Variants in SGIP1 observed in about 807,000 individuals in gnomAD.
SGIP1 encodes the protein SH3GL interacting endocytic adaptor 1, also known as SH3-containing GRB2-like protein 3-interacting protein 1.
SGIP1 carries 38 observed loss-of-function variants against 107.5 expected under a neutral mutation model. The ratio of observed to expected loss-of-function variants is 0.35; its 90% confidence interval spans 0.27 to 0.46. SGIP1 has a LOEUF of 0.46. Among genes scored for constraint, SGIP1 ranks in the 20% least tolerant of loss-of-function variants. The pLI is 1.00. For synonymous variants in SGIP1, 365 were observed against 366.1 expected, an observed-to-expected ratio of 1.00 and a Z score of 0.03; for missense variants, 929 against 1,019.5, an observed-to-expected ratio of 0.91 and a Z score of 1.21.
intron 15 of SGIP1, among the ~76,000 whole-genome samples, chr1:66,687,369 C>T (rs2088646699): frequency 6.6e-6 from 1 of 151,278 alleles, no homozygotes; most frequent in Admixed American, 6.6e-5. Context: ...TTACTTCCGT[C>T]TTCTGAAAAC....
Position 66,737,235 on chromosome 1 carries a change from G to A in SGIP1, c.2032-2100G>A, listed in dbSNP as rs185437900. On this transcript the variant is annotated intron_variant, in intron 21 of 24. Transcript: ENST00000371037. Reference sequence around the variant, plus strand: ...AATAAGTTGGCACTTCTTTCCCTTCGTGGACTCTAATTATATACACTGCAT... The same window carrying A: ...AATAAGTTGGCACTTCTTTCCCTTCATGGACTCTAATTATATACACTGCAT... Among the ~76,000 whole-genome samples, 53 of 152,178 alleles carry A rather than the reference G, an allele frequency of 3.5e-4. 1 individual carries two copies. Among genetic ancestry groups the A allele is most frequent in the Middle Eastern group, 3.4e-3 (1 of 294 alleles).
In SGIP1 at chr1:66,689,155, A is replaced by T; in HGVS notation, c.1323A>T (p.Ser441=). The T allele has an allele frequency of 6.2e-7, 1 of 1,612,212 alleles. No homozygotes were observed. The highest frequency in any genetic ancestry group is 8.5e-7 in the Non-Finnish European group (1 of 1,179,266). Residue 441 remains serine, a synonymous_variant, in exon 16 of 25, where the codon TCA becomes TCT. Transcript: ENST00000371037. ...TGCTAGTTTGTTTTTCAGGTGCATC[A>T]TCCCCTGCTCGACCAGCCACTCCTT... ...GPGPGTTSGA[S]SPARPATPLV...
At chr1:66,590,052 T>C (rs796403104) in intron 1 of SGIP1, among the ~76,000 whole-genome samples, 14 of 152,300 alleles carry the variant, frequency 9.2e-5, no homozygotes, top group African/African-American at 3.4e-4. Flanking sequence ...TGACTCTAGG[T>C]ACTAAAGGGA....
chr1:66,686,189 C>G (rs961641740), intron 15 of SGIP1, among the ~76,000 whole-genome samples: 2 of 152,162 alleles, frequency 1.3e-5, no homozygotes, highest in African/African-American at 4.8e-5. Context: ...TGTTGGATTC[C>G]ACGGCCTGTG....
chr1:66,660,257 A>AAGGG, intron 7 of SGIP1: 1 of 453,878 alleles, frequency 2.2e-6, no homozygotes, highest in Non-Finnish European at 3.8e-6. Flanking sequence ...GGGAGGAAGG[A>AAGGG]AGGGAGGAAA....
chr1:66,600,176 C>T (rs1395779010), intron 1 of SGIP1, among the ~76,000 whole-genome samples: 1 of 152,156 alleles, frequency 6.6e-6, no homozygotes, highest in Admixed American at 6.5e-5. Context: ...TGCCTTTGGG[C>T]TCATTTCAAT....
At chr1:66,637,735 A>G (rs2076062924) in intron 4 of SGIP1, among the ~76,000 whole-genome samples, 1 of 151,068 alleles carries the variant, frequency 6.6e-6, no homozygotes, top group African/African-American at 2.4e-5. Flanking sequence ...AAACAAGTAT[A>G]TATATATATC....
chr1:66,726,644 GTCT>G (rs2093771153), intron 19 of SGIP1, among the ~76,000 whole-genome samples: 1 of 152,108 alleles, frequency 6.6e-6, no homozygotes, highest in Non-Finnish European at 1.5e-5. Flanking sequence ...AGAAAGGACA[GTCT>G]TCTCAAAAAA....
chr1:66,564,695 T>C (rs1571398440), intron 1 of SGIP1, among the ~76,000 whole-genome samples: 1 of 151,686 alleles, frequency 6.6e-6, no homozygotes, highest in Non-Finnish European at 1.5e-5. Flanking sequence ...TGGTAGGAGG[T>C]GTTCACCAGT....
chr1:66,732,588 G>C (rs2094063447), intron 20 of SGIP1, among the ~76,000 whole-genome samples: 1 of 152,130 alleles, frequency 6.6e-6, no homozygotes, highest in African/African-American at 2.4e-5. Context: ...TAACAGATCA[G>C]TGACAGTTTT....
intron 1 of SGIP1, among the ~76,000 whole-genome samples, chr1:66,615,764 G>A (rs1008878437): frequency 6.6e-6 from 1 of 152,186 alleles, no homozygotes; most frequent in Non-Finnish European, 1.5e-5. Context: ...AGGCCAGGGA[G>A]GGACTGGAGA....
At chr1:66,672,033 C>T in intron 11 of SGIP1, 38 bp downstream of exon 11, 1 of 1,595,542 alleles carries the variant, frequency 6.3e-7, no homozygotes, top group Non-Finnish European at 8.6e-7. Context: ...TTATGCAAGG[C>T]ATCATGAACT....
At chr1:66,655,373 T>C (rs2079545572) in intron 7 of SGIP1, among the ~76,000 whole-genome samples, 2 of 152,132 alleles carry the variant, frequency 1.3e-5, no homozygotes, top group Admixed American at 1.3e-4. Flanking sequence ...CTGCCCACCT[T>C]ATATAAAATC....
chr1:66,684,433 C>T (rs2087688091), intron 15 of SGIP1, among the ~76,000 whole-genome samples: 1 of 152,190 alleles, frequency 6.6e-6, no homozygotes, highest in Non-Finnish European at 1.5e-5. Flanking sequence ...GGATACAAAG[C>T]TCCTTATCTA....
intron 1 of SGIP1, among the ~76,000 whole-genome samples, chr1:66,610,851 G>A (rs1015166939): frequency 1.5e-4 from 23 of 152,120 alleles, no homozygotes; most frequent in African/African-American, 5.6e-4. Context: ...GATGGAATTG[G>A]AGACCATTAT....
At chr1:66,577,567 T>A (rs1439964120) in intron 1 of SGIP1, among the ~76,000 whole-genome samples, 3 of 152,210 alleles carry the variant, frequency 2.0e-5, no homozygotes, top group Non-Finnish European at 4.4e-5. Context: ...TTTTAACTGA[T>A]GGGTGTTACC....
chr1:66,689,245 A>G lies in SGIP1; in HGVS notation c.1413A>G (p.Leu471=). 4 of 1,613,460 alleles carry G rather than the reference A, an allele frequency of 2.5e-6. No individual in the cohort carries two copies. The highest frequency in any genetic ancestry group is 3.4e-6 in the Non-Finnish European group (4 of 1,179,694). The change falls in exon 16 of 25, where the codon CTA becomes CTG. Residue 471 remains leucine, a synonymous_variant. Transcript: ENST00000371037. ...PPPRPPSRPK[L]PPGKPGVGDV... is the part of the protein sequence containing the mutation. ...CCCGGCCTCCATCCCGGCCAAAGCT[A>G]CCTCCAGGAAAACCTGGAGTTGGAG...
intron 1 of SGIP1, among the ~76,000 whole-genome samples, chr1:66,536,594 T>C (rs1415699100): frequency 2.0e-5 from 3 of 152,160 alleles, no homozygotes; most frequent in Non-Finnish European, 4.4e-5. Context: ...ACTTAACTCA[T>C]CTCTAGAGAT....
intron 18 of SGIP1, among the ~76,000 whole-genome samples, chr1:66,699,770 T>C (rs1336902200): frequency 6.6e-6 from 1 of 152,216 alleles, no homozygotes; most frequent in Non-Finnish European, 1.5e-5. Context: ...TATGTTCTAC[T>C]GTGGAAAGTT....
Sources: allele counts gnomAD v4.1 joint callset (sites outside exome capture counted in the v4.1 genomes callset), GRCh38; gene constraint gnomAD v4.1.1; transcripts MANE v1.5; gene names NCBI Gene and HGNC (gene_info 2026-07-23, HGNC 2026-07-21).